Variants in RANGAP1 observed in about 807,000 individuals in gnomAD.
The protein encoded by RANGAP1 is Ran GTPase activating protein 1.
Under a neutral mutation model 63.5 loss-of-function variants are expected in RANGAP1, and 38 were observed. That is an observed-to-expected ratio of 0.60 (90% CI 0.46 to 0.78). The LOEUF is 0.78. Among genes scored for constraint, RANGAP1 ranks in the 30% least tolerant of loss-of-function variants. RANGAP1 has a pLI of 0.00. For missense variants in RANGAP1, 630 were observed against 740.3 expected, an observed-to-expected ratio of 0.85 and a Z score of 1.73; for synonymous variants, 329 against 310.5, an observed-to-expected ratio of 1.06 and a Z score of -0.63.
At chr22:41,269,646 G>C (rs1324774787) in intron 3 of RANGAP1, among the ~76,000 whole-genome samples, 1 of 150,766 alleles carries the variant, frequency 6.6e-6, no homozygotes, top group African/African-American at 2.4e-5. Flanking sequence ...ACTCATTTCA[G>C]CAAGAGAATC....
chr22:41,254,735 G>A (rs1037282581), intron 10 of RANGAP1: 2 of 726,782 alleles, frequency 2.8e-6, no homozygotes, highest in South Asian at 1.2e-4. Flanking sequence ...CACTTTGGGA[G>A]GCCGAGGTGG....
chr22:41,270,438 T>C (rs973487090), intron 3 of RANGAP1, among the ~76,000 whole-genome samples: 4 of 152,168 alleles, frequency 2.6e-5, no homozygotes, highest in African/African-American at 9.7e-5. Context: ...AGAGCCACCA[T>C]GCCCAGCCCT....
At chr22:41,292,874 T>C in the RANGAP1 span, among the ~76,000 whole-genome samples, 7 of 150,246 alleles carry the variant, frequency 4.7e-5, no homozygotes, top group African/African-American at 1.5e-4. Context: ...GAGGCTGAGG[T>C]GTGAGGATTG....
chr22:41,264,857 A>C lies in RANGAP1; in HGVS notation c.301-14T>G, dbSNP rs755682684. 4.4e-6 allele frequency: 7 copies of C among 1,587,686 alleles called. No homozygotes were observed. The highest frequency in any genetic ancestry group is 6.0e-6 in the Non-Finnish European group (7 of 1,158,934). ...CCCTAGTGAGATCTGGGCACAGAGG[A>C]AGCTCGTGTCAGTTTCATAGACACC... On this transcript the variant is annotated splice_polypyrimidine_tract_variant and intron_variant, in intron 4 of 15. Transcript: ENST00000356244.
At chr22:41,293,876 T>C in the RANGAP1 span, among the ~76,000 whole-genome samples, 8 of 152,210 alleles carry the variant, frequency 5.3e-5, no homozygotes, top group South Asian at 6.2e-4. Context: ...CCAGGCTAGT[T>C]AGTCTCAAAC....
chr22:41,282,831 A>G (rs984913463), intron 1 of RANGAP1, among the ~76,000 whole-genome samples: 2 of 152,140 alleles, frequency 1.3e-5, no homozygotes, highest in African/African-American at 4.8e-5. Context: ...TATCTGTGAG[A>G]TGCTCCAAAA....
the RANGAP1 span, among the ~76,000 whole-genome samples, chr22:41,295,450 G>A: frequency 6.6e-6 from 1 of 152,146 alleles, no homozygotes. Context: ...AGGGCTGAAT[G>A]GATTAAGGGC....
chr22:41,280,504 C>T (rs183179792), intron 2 of RANGAP1, among the ~76,000 whole-genome samples: 1 of 152,320 alleles, frequency 6.6e-6, no homozygotes, highest in Admixed American at 6.5e-5. Flanking sequence ...CCAAGAGGGC[C>T]CAGGTTGTTT....
the RANGAP1 span, among the ~76,000 whole-genome samples, chr22:41,296,284 C>CACTT: frequency 6.6e-6 from 1 of 151,572 alleles, no homozygotes; most frequent in Non-Finnish European, 1.5e-5. Context: ...CAGTATACAT[C>CACTT]ACTTAACTTA....
chr22:41,250,345 G>A (rs1237356703), intron 13 of RANGAP1, among the ~76,000 whole-genome samples: 1 of 152,232 alleles, frequency 6.6e-6, no homozygotes, highest in African/African-American at 2.4e-5. Flanking sequence ...ACGCCGGGAA[G>A]AGGCACCACA....
upstream of RANGAP1, among the ~76,000 whole-genome samples, chr22:41,290,384 C>G (rs2035825619): frequency 6.6e-6 from 1 of 152,044 alleles, no homozygotes; most frequent in Admixed American, 6.6e-5. Flanking sequence ...TTCCCACCAC[C>G]ATGCCCAGCT....
At chr22:41,264,100 T>C (rs2034324988) in intron 5 of RANGAP1, among the ~76,000 whole-genome samples, 2 of 152,234 alleles carry the variant, frequency 1.3e-5, no homozygotes, top group African/African-American at 4.8e-5. Flanking sequence ...CCTCCAACCC[T>C]GGGTCTAAAG....
At chr22:41,252,765 C>T (rs1321580427) in intron 12 of RANGAP1, 107 bp downstream of exon 12, 1 of 1,297,114 alleles carries the variant, frequency 7.7e-7, no homozygotes, top group Admixed American at 3.8e-5. Flanking sequence ...TCCCTGCCCC[C>T]AGCTGACAGC....
intron 2 of RANGAP1, among the ~76,000 whole-genome samples, chr22:41,276,023 AAT>A (rs2035121410): frequency 6.6e-6 from 1 of 152,172 alleles, no homozygotes; most frequent in African/African-American, 2.4e-5. Flanking sequence ...ACGTTACACA[AAT>A]AGTTATACCA....
At chr22:41,265,967 C>A (rs1205244977) in intron 4 of RANGAP1, among the ~76,000 whole-genome samples, 2 of 152,144 alleles carry the variant, frequency 1.3e-5, no homozygotes, top group Non-Finnish European at 2.9e-5. Context: ...CTTTGGGAGG[C>A]CAAGGTGGGC....
In RANGAP1 at chr22:41,264,831, C is replaced by T. The variant is rs767290351; in HGVS notation, c.313G>A (p.Glu105Lys). The T allele has an allele frequency of 6.2e-7, 1 of 1,607,596 alleles. No homozygotes were observed. The highest frequency in any genetic ancestry group is 1.1e-5 in the South Asian group (1 of 90,882). ...EIPPALISLG[E>K]GLITAGAQLV... Reference sequence around the variant, plus strand: ...TGAGCCCCAGCTGTGATGAGTCCTTCCCCTAGTGAGATCTGGGCACAGAGG... The same window carrying T: ...TGAGCCCCAGCTGTGATGAGTCCTTTCCCTAGTGAGATCTGGGCACAGAGG... Residue 105 changes from glutamate to lysine, a missense_variant, in exon 5 of 16, where the codon GAA (glutamate) becomes AAA (lysine). Glu to Lys is a moderately conservative substitution (Grantham distance 56). This residue lies in a region of RANGAP1 where 137 missense variants were observed against 214.3 expected (regional missense o/e 0.64). Coordinates refer to ENST00000356244, the MANE Select transcript of RANGAP1 (RefSeq NM_002883.4).
the RANGAP1 span, among the ~76,000 whole-genome samples, chr22:41,302,252 G>C: frequency 6.6e-6 from 1 of 151,614 alleles, no homozygotes; most frequent in African/African-American, 2.4e-5. The surrounding 1 kb of genome is among the most constrained non-coding windows in gnomAD (Gnocchi z 5.7). Context: ...GCAGCACCCG[G>C]AGTTGGAGGG....
intron 12 of RANGAP1, among the ~76,000 whole-genome samples, chr22:41,252,567 C>G (rs1420956768): frequency 1.3e-5 from 2 of 152,112 alleles, no homozygotes; most frequent in South Asian, 4.1e-4. Flanking sequence ...TGACGGAACA[C>G]GCAGAGAGAA....
chr22:41,289,217 G>A (rs983575945), upstream of RANGAP1, among the ~76,000 whole-genome samples: 1 of 151,936 alleles, frequency 6.6e-6, no homozygotes, highest in African/African-American at 2.4e-5. Flanking sequence ...AGCCACTGTG[G>A]CCGGCCTCCT....
Sources: allele counts gnomAD v4.1 joint callset (sites outside exome capture counted in the v4.1 genomes callset), GRCh38; gene constraint gnomAD v4.1.1; regional missense constraint gnomAD v4.1.1; non-coding constraint Gnocchi (gnomAD v3.1); transcripts MANE v1.5; gene names NCBI Gene and HGNC (gene_info 2026-07-23, HGNC 2026-07-21).